The following GRM8 variants were observed in gnomAD, a reference collection of about 807,000 sequenced individuals.
The protein encoded by GRM8 is metabotropic glutamate receptor 8.
Under a neutral mutation model 87.2 loss-of-function variants are expected in GRM8, and 47 were observed. The ratio of observed to expected loss-of-function variants is 0.54; its 90% CI spans 0.43 to 0.69. GRM8 has a LOEUF of 0.69. GRM8 is among the 30% of genes least tolerant of loss of function. GRM8 has a pLI of 0.00. For missense variants in GRM8, 1,019 were observed against 1,139.2 expected (o/e 0.89, Z 1.52); for synonymous variants, 396 against 404.5 (o/e 0.98, Z 0.25).
At chr7:127,029,323 G>A (rs1022932857) in intron 3 of GRM8, among the ~76,000 whole-genome samples, 3 of 152,174 alleles carry the variant, frequency 2.0e-5, no homozygotes, top group African/African-American at 7.2e-5. Flanking sequence ...ATTTGAGGTG[G>A]AGAGATCTGT....
intron 9 of GRM8, among the ~76,000 whole-genome samples, chr7:126,474,107 G>A (rs754608225): frequency 6.6e-6 from 1 of 152,050 alleles, no homozygotes; most frequent in African/African-American, 2.4e-5. Context: ...AATTATCTCA[G>A]TTTCAGTTGA....
In GRM8 at chr7:126,840,015, A is replaced by G. The variant is rs570119714; in HGVS notation, c.1156+62527T>C. On this transcript the variant is annotated intron_variant, in intron 6 of 10. Transcript: ENST00000339582. ...ATAAATGAAAACATCTGTATGGGTG[A>G]AATTTTTTTAATGCAATTTTAGTTG... Among the ~76,000 whole-genome samples, 37 of 152,322 alleles carry G rather than the reference A, an allele frequency of 2.4e-4. No individual in the cohort carries two copies. In the South Asian group the frequency reaches 3.5e-3, roughly 15 times the overall value.
At chr7:126,555,869 A>G (rs1249686775) in intron 8 of GRM8, among the ~76,000 whole-genome samples, 1 of 152,214 alleles carries the variant, frequency 6.6e-6, no homozygotes, top group Non-Finnish European at 1.5e-5. Context: ...AATATTTGCT[A>G]ATGCCCATGA....
rs147481230 is a variant in GRM8 at position 127,242,983 on chromosome 7, G to A, written c.222C>T (p.His74=). 43 of 1,614,114 alleles carry A rather than the reference G, an allele frequency of 2.7e-5. No individual in the cohort carries two copies. The African/African-American group carries it at 4.5e-4, about 17-fold the overall frequency. Reference sequence around the variant, plus strand: ...TTGCATAAAGCATGGCCTCCAGTCTGTGAATCCCCTTTTCCTTCTTCAGCT... The same window carrying A: ...TTGCATAAAGCATGGCCTCCAGTCTATGAATCCCCTTTTCCTTCTTCAGCT... The part of the protein sequence containing the change: ...CGELKKEKGI[H]RLEAMLYAID... Residue 74 remains histidine, a synonymous_variant, in exon 2 of 11, where the codon CAC becomes CAT. Transcript: ENST00000339582.
chr7:126,569,793 C>T (rs1794542154), intron 8 of GRM8, among the ~76,000 whole-genome samples: 1 of 152,186 alleles, frequency 6.6e-6, no homozygotes, highest in Admixed American at 6.5e-5. Flanking sequence ...GGTGTTAGAA[C>T]TCTAAGCTGA....
chr7:126,878,692 T>C (rs1438345432), intron 6 of GRM8, among the ~76,000 whole-genome samples: 2 of 151,856 alleles, frequency 1.3e-5, no homozygotes, highest in Non-Finnish European at 2.9e-5. Context: ...GCTAATTTAT[T>C]TGTGCTTTTA....
intron 2 of GRM8, among the ~76,000 whole-genome samples, chr7:127,146,600 C>T (rs1828568297): frequency 6.6e-6 from 1 of 151,986 alleles, no homozygotes; most frequent in Non-Finnish European, 1.5e-5. Flanking sequence ...ATATGAGAAC[C>T]AGGACATATG....
At chr7:126,756,746 G>A (rs1316509971) in intron 7 of GRM8, among the ~76,000 whole-genome samples, 1 of 152,070 alleles carries the variant, frequency 6.6e-6, no homozygotes, top group Non-Finnish European at 1.5e-5. Flanking sequence ...GGTTCCCAGA[G>A]ATGAGGTGGG....
chr7:126,571,536 G>C lies in GRM8; in HGVS notation c.1495-37649C>G, dbSNP rs1794689309. 4.6e-5 allele frequency among the ~76,000 whole-genome samples: 7 copies of C among 152,212 alleles called. No individual in the cohort carries two copies. The South Asian group carries it at 1.5e-3, about 32-fold the overall frequency. Reference sequence around the variant, plus strand: ...TTTAAGAAAATGAACAAAATTCTGGGAATAGTAAGATTTCTAGTGTGTGTG... The same window carrying C: ...TTTAAGAAAATGAACAAAATTCTGGCAATAGTAAGATTTCTAGTGTGTGTG... On this transcript the variant is annotated intron_variant, in intron 8 of 10. Coordinates refer to ENST00000339582, the MANE Select transcript of GRM8 (RefSeq NM_000845.3).
chr7:127,128,713 T>A (rs545666811), intron 2 of GRM8, among the ~76,000 whole-genome samples: 1 of 152,080 alleles, frequency 6.6e-6, no homozygotes, highest in African/African-American at 2.4e-5. Flanking sequence ...TGAATAACGG[T>A]AAGGTTTAAG....
chr7:127,091,968 A>C (rs1586976207), intron 3 of GRM8, among the ~76,000 whole-genome samples: 1 of 15,146 alleles, frequency 6.6e-5, no homozygotes, highest in Admixed American at 8.7e-4. Flanking sequence ...CCCACTGACC[A>C]TCCCCCATCC....
At chr7:127,051,739 CAAAAA>C (rs59713382) in intron 3 of GRM8, among the ~76,000 whole-genome samples, 13 of 58,476 alleles carry the variant, frequency 2.2e-4, no homozygotes, top group East Asian at 6.2e-4. Context: ...TAATGTTGAG[CAAAAA>C]AAAAAAAAAA....
At chr7:126,522,519 T>C (rs546807418) in intron 9 of GRM8, among the ~76,000 whole-genome samples, 15 of 152,180 alleles carry the variant, frequency 9.9e-5, no homozygotes, top group Non-Finnish European at 1.6e-4. Flanking sequence ...AATCATATAA[T>C]TTTTCGCCCA....
intron 7 of GRM8, among the ~76,000 whole-genome samples, chr7:126,747,523 C>G (rs1349658739): frequency 6.6e-6 from 1 of 151,930 alleles, no homozygotes; most frequent in Non-Finnish European, 1.5e-5. Flanking sequence ...AGTAACACAT[C>G]AAGAAACTAC....
chr7:126,923,764 A>G (rs1804790190), intron 3 of GRM8, among the ~76,000 whole-genome samples: 1 of 152,138 alleles, frequency 6.6e-6, no homozygotes, highest in African/African-American at 2.4e-5. Context: ...AAGAAAAGAG[A>G]GTAGAGTATG....
At chr7:126,834,379 C>G (rs1795659232) in intron 6 of GRM8, among the ~76,000 whole-genome samples, 1 of 152,182 alleles carries the variant, frequency 6.6e-6, no homozygotes, top group Non-Finnish European at 1.5e-5. Flanking sequence ...AAGAGGGCCT[C>G]TCCCTTACAA....
At chr7:126,907,324 G>A (rs891452808) in intron 3 of GRM8, among the ~76,000 whole-genome samples, 2 of 148,570 alleles carry the variant, frequency 1.3e-5, no homozygotes, top group African/African-American at 5.0e-5. Context: ...GAGGAAGGAG[G>A]GGGAAGAAGG....
intron 2 of GRM8, among the ~76,000 whole-genome samples, chr7:127,124,473 T>C (rs925455232): frequency 6.6e-6 from 1 of 152,172 alleles, no homozygotes; most frequent in East Asian, 1.9e-4. Flanking sequence ...CATCTTTATT[T>C]GCTTACAATT....
chr7:127,114,981 G>A (rs141663778), intron 2 of GRM8, among the ~76,000 whole-genome samples: 33 of 152,250 alleles, frequency 2.2e-4, no homozygotes, highest in African/African-American at 7.9e-4. Flanking sequence ...GAGGTTGGCA[G>A]TTGTTACCCA....
Sources: allele counts gnomAD v4.1 joint callset (sites outside exome capture counted in the v4.1 genomes callset), GRCh38; gene constraint gnomAD v4.1.1; transcripts MANE v1.5; gene names NCBI Gene and HGNC (gene_info 2026-07-23, HGNC 2026-07-21).